Variants in ATP2B4 observed in about 807,000 individuals in gnomAD.
The protein encoded by ATP2B4 is plasma membrane calcium-transporting ATPase 4.
ATP2B4 carries 39 observed loss-of-function variants against 110.3 expected under a neutral mutation model. That is an observed-to-expected ratio of 0.35 (90% confidence interval 0.27 to 0.46). The LOEUF (loss-of-function observed/expected upper bound fraction) is 0.46, where lower values mean the gene tolerates loss of function less well. ATP2B4 is among the 20% of genes least tolerant of loss of function. The probability of loss-of-function intolerance (pLI) is 1.00; values close to 1 mark genes in which losing one functional copy is unlikely to be tolerated. For synonymous variants in ATP2B4, 538 were observed against 571.7 expected (o/e 0.94, Z 0.84); for missense variants, 1,135 against 1,530.9 (o/e 0.74, Z 4.32).
chr1:203,714,927 T>A (rs1666117286), intron 15 of ATP2B4, among the ~76,000 whole-genome samples: 1 of 152,126 alleles, frequency 6.6e-6, no homozygotes, highest in African/African-American at 2.4e-5. Context: ...CTCTTTTTTT[T>A]AAGGGTTTTA....
At position 203,740,106 on chromosome 1, in the gene ATP2B4, G is replaced by T. The variant is rs371752236; in HGVS notation, c.*252G>T. The T allele has an allele frequency of 2.2e-6, 1 of 449,700 alleles. No homozygotes were observed. Among genetic ancestry groups the T allele is most frequent in the Non-Finnish European group, 3.9e-6 (1 of 253,780 alleles). The allele number at this position is 449,700 out of a possible 1,614,324, so 27.9% of individuals were successfully genotyped here. On this transcript the variant is annotated 3_prime_UTR_variant, in exon 21 of 21. Transcript: ENST00000357681. ...CAGGTCATGGTAGAATCTACTCCTT[G>T]GTAGTCACTTGTCATTTTTAAAGAA...
chr1:203,656,857 TAATA>T, intron 1 of ATP2B4: 1 of 415,984 alleles, frequency 2.4e-6, no homozygotes, highest in Non-Finnish European at 4.3e-6. Context: ...GTTTACAATG[TAATA>T]AATCTCTTGA....
chr1:203,730,238 A>G (rs1571775531), intron 20 of ATP2B4, among the ~76,000 whole-genome samples: 1 of 151,624 alleles, frequency 6.6e-6, no homozygotes, highest in East Asian at 1.9e-4. Context: ...ATTAAAAAAA[A>G]AAAAAAGAAG....
At chr1:203,707,258 A>G (rs367938389) in intron 9 of ATP2B4, 35 bp downstream of exon 9, 10 of 1,567,666 alleles carry the variant, frequency 6.4e-6, no homozygotes, top group Non-Finnish European at 8.7e-6. Context: ...TTCCTTTAGG[A>G]TAGAGATGGG....
intron 2 of ATP2B4, among the ~76,000 whole-genome samples, chr1:203,687,636 C>T (rs566992793): frequency 1.3e-5 from 2 of 152,278 alleles, no homozygotes; most frequent in African/African-American, 4.8e-5. Context: ...CTGATAGCAT[C>T]TTTAGTATAG....
At chr1:203,633,956 A>G (rs1050783047) in intron 1 of ATP2B4, among the ~76,000 whole-genome samples, 11 of 152,128 alleles carry the variant, frequency 7.2e-5, no homozygotes, top group African/African-American at 2.7e-4. Context: ...AGGCTGAGGC[A>G]GGAGAATCGC....
rs777406643 is a variant in ATP2B4, at chr1:203,637,357, CG to C, written c.-465+10147del. Reference sequence around the variant, plus strand: ...GAGGCAGGAGAATGGCGTGAACCCCCGGGGGGGGGCGGAGCCTGCAGTGAGC... The same window carrying C: ...GAGGCAGGAGAATGGCGTGAACCCCCGGGGGGGGCGGAGCCTGCAGTGAGC... On this transcript the variant is annotated intron_variant, in intron 1 of 20. Coordinates refer to ENST00000357681, the MANE Select transcript of ATP2B4 (RefSeq NM_001684.5). Among the ~76,000 whole-genome samples, 111 of 137,814 alleles carry C rather than the reference CG, an allele frequency of 8.1e-4. No individual in the cohort carries two copies. The East Asian group carries it at 0.012, about 14-fold the overall frequency. 90.4% of individuals were successfully genotyped at this position (137,814 alleles called of 152,430 possible). A position where few individuals can be genotyped will look rare whatever the true frequency, so the allele number is the denominator to read the frequency against.
intron 1 of ATP2B4, among the ~76,000 whole-genome samples, chr1:203,653,187 C>T (rs1261789805): frequency 6.6e-6 from 1 of 152,192 alleles, no homozygotes; most frequent in Non-Finnish European, 1.5e-5. Flanking sequence ...TCAAACCAGC[C>T]ACAACATTCC....
intron 1 of ATP2B4, among the ~76,000 whole-genome samples, chr1:203,662,506 C>T (rs183643829): frequency 6.6e-6 from 1 of 152,334 alleles, no homozygotes; most frequent in Admixed American, 6.5e-5. Context: ...CACTCTACTT[C>T]CTGTCTCTAT....
intron 1 of ATP2B4, among the ~76,000 whole-genome samples, chr1:203,661,427 T>A (rs1361924259): frequency 1.3e-5 from 2 of 152,136 alleles, no homozygotes; most frequent in Non-Finnish European, 2.9e-5. Flanking sequence ...TCAAATGAGA[T>A]ACTAATACAG....
At chr1:203,674,637 C>CTTTTT (rs57153257) in intron 1 of ATP2B4, among the ~76,000 whole-genome samples, 6 of 46,268 alleles carry the variant, frequency 1.3e-4, no homozygotes, top group Admixed American at 3.6e-4. Flanking sequence ...CCACACCTGG[C>CTTTTT]TTTTTTTTTT....
chr1:203,673,932 C>T (rs1041380698), intron 1 of ATP2B4, among the ~76,000 whole-genome samples: 1 of 152,116 alleles, frequency 6.6e-6, no homozygotes, highest in African/African-American at 2.4e-5. Flanking sequence ...TGCTGAAATT[C>T]GTTTCTAAAA....
intron 1 of ATP2B4, among the ~76,000 whole-genome samples, chr1:203,660,829 G>C (rs1186029555): frequency 6.6e-5 from 10 of 151,572 alleles, no homozygotes; most frequent in Non-Finnish European, 1.5e-4. Flanking sequence ...AGAGCACAGG[G>C]ACTGGGCACG....
At chr1:203,722,782 T>G (rs995657556) in intron 18 of ATP2B4, 93 bp downstream of exon 18, 2 of 1,214,948 alleles carry the variant, frequency 1.6e-6, no homozygotes, top group African/African-American at 3.0e-5. Flanking sequence ...GGAAAAGGAA[T>G]GAAGGAATTA....
chr1:203,698,911 A>T (rs145981861), intron 3 of ATP2B4, among the ~76,000 whole-genome samples: 1,880 of 152,164 alleles, frequency 0.012, 45 homozygotes, highest in African/African-American at 0.043. Flanking sequence ...TGCTGGGATT[A>T]CAGGCGTGAC....
In ATP2B4 at chr1:203,711,963, C is replaced by T. The variant is rs745415171; in HGVS notation, c.2035C>T (p.Pro679Ser). 2.3e-5 allele frequency: 37 copies of T among 1,613,936 alleles called. No homozygotes were observed. Among genetic ancestry groups the T allele is most frequent in the Non-Finnish European group, 2.8e-5 (33 of 1,179,942 alleles). The change falls in exon 13 of 21, where the codon CCA becomes TCA. Residue 679 changes from proline (P) to serine (S), a missense_variant. Physicochemically the swap from Pro to Ser is moderately conservative, Grantham distance 74. This residue lies in a region of ATP2B4 where 368 missense variants were observed against 455.9 expected (regional missense o/e 0.81). Coordinates refer to ENST00000357681, the MANE Select transcript of ATP2B4 (RefSeq NM_001684.5). Reference protein sequence around the residue: ...GIEDPVRPEVPDAIAKCKQAG... With the variant: ...GIEDPVRPEVSDAIAKCKQAG... ...CCCCTTTCTTCACTCTCCATAGGTG[C>T]CAGATGCTATTGCCAAATGCAAACA... is the stretch of plus-strand genomic sequence containing the variant.
At chr1:203,669,500 G>T (rs1664597565) in intron 1 of ATP2B4, among the ~76,000 whole-genome samples, 1 of 152,068 alleles carries the variant, frequency 6.6e-6, no homozygotes, top group Admixed American at 6.6e-5. Context: ...GCGATGGCGT[G>T]ATCTCGGCTT....
intron 18 of ATP2B4, among the ~76,000 whole-genome samples, chr1:203,723,460 C>CTCTCTCTCTCT (rs775198029): frequency 7.4e-6 from 1 of 134,546 alleles, no homozygotes; most frequent in Non-Finnish European, 1.6e-5. Context: ...CTCTCTCTCT[C>CTCTCTCTCTCT]CCTCTGCCTC....
In ATP2B4 at chr1:203,633,129, T is replaced by C. The variant is rs140108679; in HGVS notation, c.-465+5910T>C. 2.9e-3 allele frequency among the ~76,000 whole-genome samples: 439 copies of C among 152,348 alleles called. 2 individuals carry two copies. Among genetic ancestry groups the C allele is most frequent in the African/African-American group, 0.01 (422 of 41,576 alleles). ...ACTAGAGCATGCTCATGTCATGACA[T>C]GTTGTCACAGGAGCTGGCTTAAAGG... On this transcript the variant is annotated intron_variant, in intron 1 of 20. Transcript: ENST00000357681.
Sources: gnomAD v4.1 joint callset for allele counts (sites outside exome capture counted in the v4.1 genomes callset) on GRCh38, gnomAD v4.1.1 for gene constraint, gnomAD v4.1.1 regional missense constraint, MANE v1.5 for transcripts, NCBI Gene and HGNC (gene_info 2026-07-23, HGNC 2026-07-21) for gene names.